CCSER1: variants seen among roughly 807,000 people sequenced by gnomAD.
The protein encoded by CCSER1 is coiled-coil serine rich protein 1, also known as serine-rich coiled-coil domain-containing protein 1.
Under a neutral mutation model 82.0 loss-of-function variants are expected in CCSER1, and 41 were observed. The ratio of observed to expected loss-of-function variants is 0.50; its 90% confidence interval spans 0.39 to 0.65. CCSER1 has a LOEUF of 0.65. Among genes scored for constraint, CCSER1 ranks in the 30% least tolerant of loss-of-function variants. The pLI is 0.00. For synonymous variants in CCSER1, 414 were observed against 383.9 expected (o/e 1.08, Z -0.92); for missense variants, 1,119 against 1,064.2 (o/e 1.05, Z -0.72).
intron 10 of CCSER1, among the ~76,000 whole-genome samples, chr4:91,089,832 T>C (rs1321892553): frequency 6.6e-6 from 1 of 152,210 alleles, no homozygotes; most frequent in South Asian, 2.1e-4. Flanking sequence ...TCTTTAAATA[T>C]GTCTTCAACT....
At chr4:91,091,825 T>C (rs1057495647) in intron 10 of CCSER1, among the ~76,000 whole-genome samples, 2 of 152,104 alleles carry the variant, frequency 1.3e-5, no homozygotes, top group Admixed American at 1.3e-4. Flanking sequence ...CAGTCCTTGA[T>C]CCACACACGG....
chr4:91,352,821 G>A (rs1265844577), intron 10 of CCSER1, among the ~76,000 whole-genome samples: 3 of 152,168 alleles, frequency 2.0e-5, no homozygotes, highest in Non-Finnish European at 4.4e-5. Flanking sequence ...CTGGCCATTG[G>A]AGACACAGAA....
At chr4:91,510,083 C>T (rs1006051007) in intron 10 of CCSER1, among the ~76,000 whole-genome samples, 2 of 152,038 alleles carry the variant, frequency 1.3e-5, no homozygotes, top group African/African-American at 2.4e-5. Context: ...TGTTTAGCTC[C>T]CACTTATAAG....
chr4:91,316,605 C>CT (rs1745851897), intron 10 of CCSER1, among the ~76,000 whole-genome samples: 1 of 151,992 alleles, frequency 6.6e-6, no homozygotes, highest in African/African-American at 2.4e-5. Flanking sequence ...CTCCATTTCT[C>CT]TAACACCCAA....
rs368083608 is a variant in CCSER1 at position 91,559,876 on chromosome 4, T to C, written c.2218-38696T>C. ...AAAATGGTCTTATTCTATTACTTTA[T>C]GTTTTGGCCAGTGGGTGTCATTGGT... On this transcript the variant is annotated intron_variant, in intron 10 of 10. Transcript: ENST00000509176. 4.6e-5 allele frequency among the ~76,000 whole-genome samples: 7 copies of C among 151,458 alleles called. No homozygotes were observed. The East Asian group carries it at 1.4e-3, about 29-fold the overall frequency.
intron 10 of CCSER1, among the ~76,000 whole-genome samples, chr4:91,146,863 G>T (rs1349734873): frequency 6.6e-6 from 1 of 152,080 alleles, no homozygotes; most frequent in Non-Finnish European, 1.5e-5. Flanking sequence ...TTAGCTGCGT[G>T]CCTGTTTTGC....
intron 9 of CCSER1, among the ~76,000 whole-genome samples, chr4:91,070,907 T>A (rs1390599773): frequency 2.0e-5 from 3 of 152,174 alleles, no homozygotes; most frequent in Non-Finnish European, 4.4e-5. Context: ...GCACACTCTC[T>A]GTGGTGTTGT....
chr4:90,713,195 C>T (rs1740982232), intron 6 of CCSER1, among the ~76,000 whole-genome samples: 1 of 151,946 alleles, frequency 6.6e-6, no homozygotes, highest in African/African-American at 2.4e-5. Context: ...ATGATGCTAG[C>T]TGGTTATTTT....
intron 3 of CCSER1, among the ~76,000 whole-genome samples, chr4:90,392,417 G>T (rs1238981547): frequency 1.3e-5 from 2 of 151,918 alleles, no homozygotes; most frequent in Non-Finnish European, 2.9e-5. Context: ...TTAAGTTTTA[G>T]TATTTTAGTA....
intron 7 of CCSER1, chr4:90,781,279 C>T (rs534619302): frequency 1.0e-6 from 1 of 985,042 alleles, no homozygotes; most frequent in African/African-American, 1.7e-5. Context: ...CACTTTTATT[C>T]TCTACAGAAA....
At chr4:91,069,418 A>G (rs550119837) in intron 9 of CCSER1, among the ~76,000 whole-genome samples, 30 of 151,746 alleles carry the variant, frequency 2.0e-4, no homozygotes, top group African/African-American at 6.8e-4. Flanking sequence ...TGGCATGTTT[A>G]TGTTAAAAAG....
Position 90,272,328 on chromosome 4 carries a change from A to G in CCSER1, c.-41-35916A>G, listed in dbSNP as rs142944904. ...AAGGTGTTCAGTATCATTAATCATC[A>G]GAGAAATACAAATTAAAACTGCAAA... On this transcript the variant is annotated intron_variant, in intron 1 of 10. Coordinates refer to ENST00000509176, the MANE Select transcript of CCSER1 (RefSeq NM_001145065.2). Among the ~76,000 whole-genome samples, 357 of 152,348 alleles carry G rather than the reference A, an allele frequency of 2.3e-3. 2 individuals carry two copies. The highest frequency in any genetic ancestry group is 4.1e-3 in the Non-Finnish European group (276 of 68,026).
At chr4:91,102,403 C>T (rs934547912) in intron 10 of CCSER1, among the ~76,000 whole-genome samples, 1 of 152,152 alleles carries the variant, frequency 6.6e-6, no homozygotes, top group East Asian at 1.9e-4. Context: ...TTTGTGATTT[C>T]AGGGTTCTGA....
rs1229713493 is a variant in CCSER1, at chr4:90,975,807, A to G, written c.2172+52360A>G. 1.3e-5 allele frequency among the ~76,000 whole-genome samples: 2 copies of G among 151,294 alleles called. 1 individual carries two copies. Among genetic ancestry groups the G allele is most frequent in the African/African-American group, 4.8e-5 (2 of 41,276 alleles). ...AAGAGATATCCTATGTATATTTGTA[A>G]CAATATTTGAAAGTAACCCATTTTT... On this transcript the variant is annotated intron_variant, in intron 9 of 10. Coordinates refer to ENST00000509176, the MANE Select transcript of CCSER1 (RefSeq NM_001145065.2).
At chr4:90,201,277 G>A (rs1294842758) in intron 1 of CCSER1, among the ~76,000 whole-genome samples, 5 of 152,060 alleles carry the variant, frequency 3.3e-5, no homozygotes, top group Admixed American at 1.3e-4. Flanking sequence ...TGAATATTAC[G>A]TAAACTTTTT....
intron 6 of CCSER1, among the ~76,000 whole-genome samples, chr4:90,648,284 G>GAAAGAAA (rs1333719884): frequency 2.2e-5 from 2 of 89,892 alleles, no homozygotes; most frequent in Non-Finnish European, 4.6e-5. Context: ...GAGAAAGAAA[G>GAAAGAAA]GAAAGAAAGA....
intron 6 of CCSER1, among the ~76,000 whole-genome samples, chr4:90,667,736 C>G (rs1732069394): frequency 6.6e-6 from 1 of 152,132 alleles, no homozygotes; most frequent in Non-Finnish European, 1.5e-5. Context: ...TTTATCCAGT[C>G]TATCATTGAT....
At position 90,901,962 on chromosome 4, in the gene CCSER1, C is replaced by T. The variant is rs540641666; in HGVS notation, c.2095-21408C>T. 3.9e-5 allele frequency among the ~76,000 whole-genome samples: 6 copies of T among 151,984 alleles called. No individual in the cohort carries two copies. The South Asian group carries it at 8.3e-4, about 21-fold the overall frequency. ...GGTTGTTTTTCATAATCCGATATTT[C>T]TTAAAGACTTTCTTCATTTTTTAAA... On this transcript the variant is annotated intron_variant, in intron 8 of 10. Transcript: ENST00000509176.
At chr4:91,007,730 A>T (rs2150493656) in intron 9 of CCSER1, among the ~76,000 whole-genome samples, 1 of 142,340 alleles carries the variant, frequency 7.0e-6, no homozygotes, top group East Asian at 2.0e-4. Flanking sequence ...TGTCATCTTT[A>T]TTTCTTTTAC....
Sources: allele counts gnomAD v4.1 joint callset (sites outside exome capture counted in the v4.1 genomes callset), GRCh38; gene constraint gnomAD v4.1.1; transcripts MANE v1.5; gene names NCBI Gene and HGNC (gene_info 2026-07-23, HGNC 2026-07-21).